Variants in ALCAM observed in about 807,000 individuals in gnomAD.
The protein encoded by ALCAM is CD166 antigen.
A neutral mutation model predicts 70.9 loss-of-function variants in ALCAM; 30 were observed. The observed-to-expected ratio is 0.42, with a 90% CI of 0.32 to 0.57. The LOEUF (loss-of-function observed/expected upper bound fraction) is 0.57, where lower values mean the gene tolerates loss of function less well. Among genes scored for constraint, ALCAM ranks in the 20% least tolerant of loss-of-function variants. The probability of loss-of-function intolerance (pLI) is 0.11; values close to 1 mark genes in which losing one functional copy is unlikely to be tolerated. For synonymous variants in ALCAM, 249 were observed against 242.5 expected, an observed-to-expected ratio of 1.03 and a Z score of -0.25; for missense variants, 591 against 695.1, an observed-to-expected ratio of 0.85 and a Z score of 1.68.
chr3:105,547,277 T>C lies in ALCAM; in HGVS notation c.1233T>C (p.Ile411=). The C allele has an allele frequency of 2.5e-6, 4 of 1,589,752 alleles. No individual in the cohort carries two copies. Among genetic ancestry groups the C allele is most frequent in the Non-Finnish European group, 3.4e-6 (4 of 1,170,262 alleles). Residue 411 remains isoleucine, a synonymous_variant, in exon 10 of 16, where the codon ATT becomes ATC. Coordinates refer to ENST00000306107, the MANE Select transcript of ALCAM (RefSeq NM_001627.4). ...AGAAAAGAGAGTCATTGACTCTCAT[T>C]GTAGAAGGTAATAAAATACTTGGGC... is the stretch of plus-strand genomic sequence containing the variant. ...GLKKRESLTL[I]VEGKPQIKMT...
intron 4 of ALCAM, among the ~76,000 whole-genome samples, chr3:105,532,646 A>G (rs1939869366): frequency 6.6e-6 from 1 of 152,016 alleles, no homozygotes; most frequent in African/African-American, 2.4e-5. Flanking sequence ...AGATGAATAG[A>G]TTTTCACCAA....
intron 1 of ALCAM, among the ~76,000 whole-genome samples, chr3:105,402,978 C>A (rs1297510921): frequency 8.1e-6 from 1 of 123,578 alleles, no homozygotes; most frequent in Non-Finnish European, 1.6e-5. Flanking sequence ...TGGAGTTTTG[C>A]TCTTGTTGCC....
intron 14 of ALCAM, among the ~76,000 whole-genome samples, chr3:105,571,151 G>C (rs1200307884): frequency 1.3e-5 from 2 of 152,216 alleles, no homozygotes; most frequent in Non-Finnish European, 1.5e-5. Context: ...GGAATCACCT[G>C]AGGAGTTGTT....
At chr3:105,528,344 C>A (rs1272993533) in intron 3 of ALCAM, among the ~76,000 whole-genome samples, 1 of 152,108 alleles carries the variant, frequency 6.6e-6, no homozygotes, top group Non-Finnish European at 1.5e-5. Context: ...GGTATTAGAA[C>A]AAAAGGAGCT....
At chr3:105,510,971 T>G (rs556888962) in intron 1 of ALCAM, among the ~76,000 whole-genome samples, 2 of 152,162 alleles carry the variant, frequency 1.3e-5, no homozygotes, top group East Asian at 3.9e-4. Flanking sequence ...CACCTTCAGA[T>G]GCAGATTTCA....
At chr3:105,551,465 G>A (rs1030942716) in intron 12 of ALCAM, among the ~76,000 whole-genome samples, 8 of 151,586 alleles carry the variant, frequency 5.3e-5, no homozygotes, top group Non-Finnish European at 7.4e-5. Flanking sequence ...GGAGAGGTCC[G>A]GGAATCTGCA....
At chr3:105,532,838 T>A (rs79124237) in intron 4 of ALCAM, among the ~76,000 whole-genome samples, 13,554 of 152,174 alleles carry the variant, frequency 0.089, 853 homozygotes, top group East Asian at 0.19. Flanking sequence ...AAATCTTACA[T>A]ACTAAATAGG....
intron 5 of ALCAM, among the ~76,000 whole-genome samples, chr3:105,534,141 G>A (rs576810086): frequency 2.4e-4 from 36 of 152,258 alleles, no homozygotes; most frequent in Non-Finnish European, 3.8e-4. Context: ...TCTGACAGGA[G>A]AAGGAGCTCA....
chr3:105,547,063 A>AC (rs1259000356), intron 9 of ALCAM, 86 bp from the exon 10 acceptor site: 13 of 1,121,986 alleles, frequency 1.2e-5, no homozygotes, highest in Non-Finnish European at 1.4e-5. Flanking sequence ...TCCCAGAAGA[A>AC]TTGTTTTAGG....
chr3:105,488,060 CTT>C (rs201772295), intron 1 of ALCAM, among the ~76,000 whole-genome samples: 1 of 152,062 alleles, frequency 6.6e-6, no homozygotes, highest in African/African-American at 2.4e-5. Context: ...CTGTGAGTGA[CTT>C]TTTACTTTTG....
At position 105,534,816 on chromosome 3, in the gene ALCAM, A is replaced by T; in HGVS notation, c.701A>T (p.His234Leu). ...YYGPSGQKTIHSEQAVFDIYY... is the reference protein window; with the variant it reads ...YYGPSGQKTILSEQAVFDIYY... ...GGACCATCTGGCCAGAAAACAATTC[A>T]TTCTGAACAGGCAGTATTTGATATT... is the stretch of plus-strand genomic sequence containing the variant. The change falls in exon 6 of 16, where the codon CAT (histidine) becomes CTT (leucine). Residue 234 changes from histidine to leucine, a missense_variant. Around this residue, in one of 2 missense-constraint regions of ALCAM, gnomAD observed 427 missense variants for 450.4 expected, o/e 0.95. Transcript: ENST00000306107. The T allele has an allele frequency of 1.9e-6, 3 of 1,613,562 alleles. No homozygotes were observed. Among genetic ancestry groups the T allele is most frequent in the Non-Finnish European group, 2.5e-6 (3 of 1,179,694 alleles).
intron 14 of ALCAM, among the ~76,000 whole-genome samples, chr3:105,558,408 A>G (rs187560485): frequency 1.1e-3 from 161 of 152,238 alleles, no homozygotes; most frequent in Non-Finnish European, 1.2e-3. Context: ...AAATTCTATT[A>G]TAGTATTTTA....
chr3:105,523,463 A>G (rs1161783284), intron 2 of ALCAM, among the ~76,000 whole-genome samples: 3 of 152,242 alleles, frequency 2.0e-5, no homozygotes, highest in Non-Finnish European at 2.9e-5. Context: ...TTTGTCATGG[A>G]CTATAACATA....
At position 105,454,946 on chromosome 3, in the gene ALCAM, C is replaced by T. The variant is rs548053086; in HGVS notation, c.74-65121C>T. On this transcript the variant is annotated intron_variant, in intron 1 of 15. Coordinates refer to ENST00000306107, the MANE Select transcript of ALCAM (RefSeq NM_001627.4). ...ATGCTGGCCTCGGCCTCCCAAAGTG[C>T]TGGGATTACAGGCGTGAGCCACTGC... Among the ~76,000 whole-genome samples the T allele has an allele frequency of 6.6e-5, 10 of 151,848 alleles. No individual in the cohort carries two copies. In the East Asian group the frequency reaches 2.0e-3, roughly 30 times the overall value.
At chr3:105,530,059 T>TC (rs1939800091) in intron 3 of ALCAM, among the ~76,000 whole-genome samples, 1 of 152,100 alleles carries the variant, frequency 6.6e-6, no homozygotes, top group South Asian at 2.1e-4. Flanking sequence ...ACCTTTTTTT[T>TC]CTGTTCATTT....
intron 1 of ALCAM, among the ~76,000 whole-genome samples, chr3:105,492,267 G>A (rs900912398): frequency 2.0e-5 from 3 of 152,092 alleles, no homozygotes; most frequent in African/African-American, 7.2e-5. Context: ...CTTCCCACCG[G>A]GTCCCTCCCA....
chr3:105,519,329 T>C (rs1021794721), intron 1 of ALCAM, among the ~76,000 whole-genome samples: 1 of 151,976 alleles, frequency 6.6e-6, no homozygotes, highest in Non-Finnish European at 1.5e-5. Context: ...TTTCTTAATA[T>C]AGAATTAAAT....
At chr3:105,518,226 G>C (rs1291641943) in intron 1 of ALCAM, among the ~76,000 whole-genome samples, 1 of 152,014 alleles carries the variant, frequency 6.6e-6, no homozygotes, top group Non-Finnish European at 1.5e-5. Flanking sequence ...GCCAAAGGAA[G>C]GTATGATTTC....
rs558895014 is a variant in ALCAM, at chr3:105,464,895, A to T, written c.74-55172A>T. On this transcript the variant is annotated intron_variant, in intron 1 of 15. Transcript: ENST00000306107. ...CATTCAACGGTGTAACCAACAAGCTAGTCAACAGATAGAACATCTTCGTCA... is the reference window on the plus strand; with the variant it reads ...CATTCAACGGTGTAACCAACAAGCTTGTCAACAGATAGAACATCTTCGTCA... Among the ~76,000 whole-genome samples the T allele has an allele frequency of 2.6e-5, 4 of 151,566 alleles. No individual in the cohort carries two copies. The South Asian group carries it at 8.3e-4, about 31-fold the overall frequency.
Sources: allele counts gnomAD v4.1 joint callset (sites outside exome capture counted in the v4.1 genomes callset), GRCh38; gene constraint gnomAD v4.1.1; regional missense constraint gnomAD v4.1.1; transcripts MANE v1.5; gene names NCBI Gene and HGNC (gene_info 2026-07-23, HGNC 2026-07-21).